The following AGMO variants were observed in gnomAD, a reference collection of about 807,000 sequenced individuals.
The protein encoded by AGMO is glyceryl-ether monooxygenase.
AGMO carries 75 observed loss-of-function variants against 60.2 expected under a neutral mutation model. The observed-to-expected ratio is 1.25, with a 90% CI of 1.03 to 1.51. AGMO has a LOEUF of 1.51. Ranked by LOEUF, AGMO falls within the 40% of genes most tolerant of loss-of-function variation. The probability of loss-of-function intolerance (pLI) is 0.00; values close to 1 mark genes in which losing one functional copy is unlikely to be tolerated. For synonymous variants in AGMO, 261 were observed against 177.1 expected (o/e 1.47, Z -3.76); for missense variants, 763 against 525.5 (o/e 1.45, Z -4.42).
chr7:15,286,155 C>A (rs139310696), intron 12 of AGMO, among the ~76,000 whole-genome samples: 9 of 151,942 alleles, frequency 5.9e-5, no homozygotes, highest in Admixed American at 3.3e-4. Flanking sequence ...CTCTTTTGGA[C>A]ATTGGTCTAG....
intron 12 of AGMO, among the ~76,000 whole-genome samples, chr7:15,301,972 TAAGTA>T (rs1054549185): frequency 2.6e-5 from 4 of 152,130 alleles, no homozygotes; most frequent in African/African-American, 7.2e-5. Context: ...CAGAGGAGAA[TAAGTA>T]AAGAGAGCTC....
chr7:15,532,923 G>A (rs1288843740), intron 3 of AGMO, among the ~76,000 whole-genome samples: 1 of 152,170 alleles, frequency 6.6e-6, no homozygotes, highest in East Asian at 1.9e-4. Context: ...CCCAAGAAGT[G>A]GAGGTTGCAA....
chr7:15,363,628 T>G (rs963472616), intron 12 of AGMO, among the ~76,000 whole-genome samples: 1 of 151,984 alleles, frequency 6.6e-6, no homozygotes, highest in Non-Finnish European at 1.5e-5. Flanking sequence ...ATAAGTAAAC[T>G]GCCATCATCT....
intron 10 of AGMO, among the ~76,000 whole-genome samples, chr7:15,372,393 T>G (rs907239483): frequency 3.3e-5 from 5 of 152,120 alleles, no homozygotes; most frequent in Admixed American, 3.3e-4. Context: ...GAAGCAGAGG[T>G]TGCAGTGAGG....
At chr7:15,278,939 T>A (rs1024959350) in intron 12 of AGMO, among the ~76,000 whole-genome samples, 3 of 150,892 alleles carry the variant, frequency 2.0e-5, no homozygotes, top group African/African-American at 7.3e-5. Flanking sequence ...AGGCGGGGAG[T>A]CGTGTGGTGT....
At chr7:15,173,648 C>T in the AGMO span, among the ~76,000 whole-genome samples, 1 of 151,892 alleles carries the variant, frequency 6.6e-6, no homozygotes, top group Non-Finnish European at 1.5e-5. Context: ...TAATGTTATA[C>T]ATTATAGAAT....
chr7:15,160,188 C>T, the AGMO span, among the ~76,000 whole-genome samples: 7 of 152,198 alleles, frequency 4.6e-5, no homozygotes, highest in South Asian at 2.1e-4. Context: ...CACGGAACAG[C>T]GAGAAGTAGG....
At chr7:15,289,946 T>C (rs1318088229) in intron 12 of AGMO, among the ~76,000 whole-genome samples, 1 of 135,032 alleles carries the variant, frequency 7.4e-6, no homozygotes, top group South Asian at 2.3e-4. Context: ...CAGAAATCTT[T>C]TTTTTTTTTT....
intron 4 of AGMO, among the ~76,000 whole-genome samples, chr7:15,426,913 TGG>T (rs1388194943): frequency 1.3e-5 from 2 of 152,000 alleles, no homozygotes; most frequent in African/African-American, 4.8e-5. Context: ...ATGGGGTGTG[TGG>T]AAGATGAAAC....
chr7:15,323,163 A>C (rs530199415), intron 12 of AGMO, among the ~76,000 whole-genome samples: 2 of 152,108 alleles, frequency 1.3e-5, no homozygotes, highest in South Asian at 2.1e-4. Flanking sequence ...CAATATAAAG[A>C]GATGATAAGC....
intron 2 of AGMO, among the ~76,000 whole-genome samples, chr7:15,550,863 A>G (rs1199514602): frequency 7.1e-6 from 1 of 141,266 alleles, no homozygotes; most frequent in African/African-American, 2.7e-5. Flanking sequence ...AGACACAACC[A>G]AAAAAGAGAA....
chr7:15,337,295 G>T (rs774393115), intron 12 of AGMO, among the ~76,000 whole-genome samples: 27 of 152,122 alleles, frequency 1.8e-4, no homozygotes, highest in South Asian at 2.1e-4. Context: ...CTTAAGCCAA[G>T]AATTACTTTT....
chr7:15,170,169 G>C, the AGMO span, among the ~76,000 whole-genome samples: 45 of 152,318 alleles, frequency 3.0e-4, no homozygotes, highest in African/African-American at 1.1e-3. Context: ...TGAAGACAAA[G>C]CTGTCATGCT....
chr7:15,336,401 C>T (rs947020232), intron 12 of AGMO, among the ~76,000 whole-genome samples: 20 of 151,018 alleles, frequency 1.3e-4, no homozygotes, highest in East Asian at 1.9e-4. Flanking sequence ...TCTATAAAAT[C>T]GGTTGACTCA....
At chr7:15,266,449 C>A (rs1054097713) in intron 12 of AGMO, among the ~76,000 whole-genome samples, 1 of 151,960 alleles carries the variant, frequency 6.6e-6, no homozygotes, top group Admixed American at 6.6e-5. Flanking sequence ...TGAAAGATTT[C>A]TTTCTTATAA....
chr7:15,211,902 A>G (rs1781602070), intron 12 of AGMO, among the ~76,000 whole-genome samples: 1 of 152,032 alleles, frequency 6.6e-6, no homozygotes, highest in Admixed American at 6.6e-5. Context: ...AACATTCAAC[A>G]AAGCTGAGTC....
At chr7:15,181,838 A>T in the AGMO span, among the ~76,000 whole-genome samples, 3 of 152,142 alleles carry the variant, frequency 2.0e-5, no homozygotes, top group Admixed American at 2.0e-4. Flanking sequence ...GAACTCAGGG[A>T]TTTCCAAAGG....
intron 12 of AGMO, among the ~76,000 whole-genome samples, chr7:15,232,339 C>G (rs2128499795): frequency 6.6e-6 from 1 of 152,310 alleles, no homozygotes; most frequent in East Asian, 1.9e-4. Context: ...TGCACAAGGT[C>G]ATAGCTTTCA....
At chr7:15,387,148 T>G (rs1196227631) in intron 9 of AGMO, among the ~76,000 whole-genome samples, 2 of 152,202 alleles carry the variant, frequency 1.3e-5, no homozygotes, top group South Asian at 4.1e-4. Context: ...CAAGTCGATA[T>G]GAAAACCAGC....
Sources: gnomAD v4.1 joint callset for allele counts (sites outside exome capture counted in the v4.1 genomes callset) on GRCh38, gnomAD v4.1.1 for gene constraint, MANE v1.5 for transcripts, NCBI Gene and HGNC (gene_info 2026-07-23, HGNC 2026-07-21) for gene names.